CSMD2: variants seen among roughly 807,000 people sequenced by gnomAD.
CSMD2 encodes the protein CUB and Sushi multiple domains 2, also known as CUB and sushi domain-containing protein 2.
CSMD2 carries 130 observed loss-of-function variants against 398.5 expected under a neutral mutation model. The observed-to-expected ratio is 0.33, with a 90% CI of 0.28 to 0.38. The LOEUF is 0.38. Among genes scored for constraint, CSMD2 ranks in the 10% least tolerant of loss-of-function variants. CSMD2 has a pLI of 1.00. For missense variants in CSMD2, 3,829 were observed against 4,764.9 expected, an observed-to-expected ratio of 0.80 and a Z score of 5.78; for synonymous variants, 1,828 against 1,908.5, an observed-to-expected ratio of 0.96 and a Z score of 1.10.
intron 15 of CSMD2, among the ~76,000 whole-genome samples, chr1:33,728,539 A>AT (rs1237580295): frequency 6.6e-6 from 1 of 152,164 alleles, no homozygotes; most frequent in African/African-American, 2.4e-5. Flanking sequence ...TATTATCCCT[A>AT]TTTTATAGAG....
chr1:33,681,889 C>T (rs980186533), intron 25 of CSMD2, among the ~76,000 whole-genome samples: 3 of 152,130 alleles, frequency 2.0e-5, no homozygotes, highest in Non-Finnish European at 2.9e-5. Flanking sequence ...TCACTTGAAC[C>T]CGGGAGGTGG....
intron 13 of CSMD2, among the ~76,000 whole-genome samples, chr1:33,766,629 G>A (rs1650537637): frequency 6.6e-6 from 1 of 152,132 alleles, no homozygotes; most frequent in Non-Finnish European, 1.5e-5. Flanking sequence ...TTAACCTTGG[G>A]CACTTCACAG....
chr1:34,079,693 T>C (rs6684575), intron 2 of CSMD2, among the ~76,000 whole-genome samples: 4,953 of 152,202 alleles, frequency 0.033, 264 homozygotes, highest in African/African-American at 0.11. Flanking sequence ...CAGTAAGACC[T>C]ACCTAAGACA....
At chr1:33,713,495 G>A (rs1646059242) in intron 21 of CSMD2, among the ~76,000 whole-genome samples, 1 of 152,176 alleles carries the variant, frequency 6.6e-6, no homozygotes, top group African/African-American at 2.4e-5. Flanking sequence ...TACATTATAA[G>A]GATTGAGCAA....
At chr1:33,598,714 C>T (rs1363092784) in intron 44 of CSMD2, 2 of 137,446 alleles carry the variant, frequency 1.5e-5, no homozygotes, top group Non-Finnish European at 3.0e-5. Context: ...ACTTGTTGCC[C>T]AGGCTGGAGT....
At chr1:33,981,248 A>G (rs888143994) in intron 3 of CSMD2, among the ~76,000 whole-genome samples, 23 of 152,046 alleles carry the variant, frequency 1.5e-4, no homozygotes, top group Admixed American at 5.2e-4. Context: ...CTCACTTCCC[A>G]CTTATTTGCA....
At chr1:33,994,953 A>G (rs1646678981) in intron 3 of CSMD2, among the ~76,000 whole-genome samples, 1 of 151,962 alleles carries the variant, frequency 6.6e-6, no homozygotes, top group East Asian at 1.9e-4. Flanking sequence ...AATCTCAGCT[A>G]CTCAGGAGAC....
intron 25 of CSMD2, among the ~76,000 whole-genome samples, chr1:33,666,905 A>C (rs1206496760): frequency 2.0e-5 from 3 of 152,156 alleles, no homozygotes; most frequent in African/African-American, 7.2e-5. Flanking sequence ...GGCCACACTC[A>C]TCAGGGAAGG....
chr1:33,887,433 T>A (rs1413094732), intron 5 of CSMD2, among the ~76,000 whole-genome samples: 1 of 152,184 alleles, frequency 6.6e-6, no homozygotes, highest in Non-Finnish European at 1.5e-5. Flanking sequence ...AAGTGCAGAA[T>A]AATCAGGATA....
At chr1:33,600,156 G>A (rs546463180) in intron 44 of CSMD2, 1 of 715,706 alleles carries the variant, frequency 1.4e-6, no homozygotes, top group East Asian at 2.7e-5. Flanking sequence ...GAAGGGACCT[G>A]TGCAAGGTTT....
At chr1:33,927,405 T>C (rs903578816) in intron 4 of CSMD2, among the ~76,000 whole-genome samples, 2 of 152,208 alleles carry the variant, frequency 1.3e-5, no homozygotes, top group African/African-American at 4.8e-5. Flanking sequence ...TGGTATTTGA[T>C]TACATGACAC....
At chr1:33,576,848 C>T (rs1047520915) in intron 49 of CSMD2, among the ~76,000 whole-genome samples, 24 of 150,114 alleles carry the variant, frequency 1.6e-4, no homozygotes, top group Admixed American at 1.5e-3. Context: ...ATGTATATTA[C>T]TTGAAGGGAA....
At chr1:33,850,713 C>A (rs1362670618) in intron 5 of CSMD2, among the ~76,000 whole-genome samples, 1 of 151,760 alleles carries the variant, frequency 6.6e-6, no homozygotes. Context: ...ATTGCTATTG[C>A]AGTACAACAT....
chr1:33,740,545 G>A (rs1038286308), intron 14 of CSMD2, among the ~76,000 whole-genome samples: 5 of 152,212 alleles, frequency 3.3e-5, no homozygotes, highest in African/African-American at 7.2e-5. Flanking sequence ...GATGAGGTAA[G>A]GGAGCCTCTG....
intron 1 of CSMD2, among the ~76,000 whole-genome samples, chr1:34,092,172 C>T (rs762185213): frequency 1.8e-4 from 28 of 151,756 alleles, no homozygotes; most frequent in Non-Finnish European, 3.2e-4. Context: ...TGTGCAGGCA[C>T]GATATGAAAA....
intron 13 of CSMD2, among the ~76,000 whole-genome samples, chr1:33,771,697 G>C (rs1029253659): frequency 4.6e-5 from 7 of 152,134 alleles, no homozygotes; most frequent in Non-Finnish European, 1.0e-4. Flanking sequence ...CTAGTGTGCA[G>C]AACTCGAGGC....
chr1:33,888,924 C>T (rs1333055367), intron 5 of CSMD2, among the ~76,000 whole-genome samples: 6 of 152,098 alleles, frequency 3.9e-5, no homozygotes, highest in Non-Finnish European at 5.9e-5. Flanking sequence ...CCCGCCACCA[C>T]GCCCGGCTAA....
chr1:33,828,467 G>A (rs1004643691), intron 6 of CSMD2, among the ~76,000 whole-genome samples: 1 of 152,170 alleles, frequency 6.6e-6, no homozygotes, highest in Non-Finnish European at 1.5e-5. Context: ...CAGGGCACCT[G>A]GCCAAGTGGG....
chr1:34,108,400 C>A (rs1222412979), intron 1 of CSMD2, among the ~76,000 whole-genome samples: 1 of 152,144 alleles, frequency 6.6e-6, no homozygotes, highest in Non-Finnish European at 1.5e-5. Context: ...ACTTATGGCC[C>A]CTGCCCCTCT....
Sources: allele counts gnomAD v4.1 joint callset (sites outside exome capture counted in the v4.1 genomes callset), GRCh38; gene constraint gnomAD v4.1.1; transcripts MANE v1.5; gene names NCBI Gene and HGNC (gene_info 2026-07-23, HGNC 2026-07-21).